The following RAD51B variants were observed in gnomAD, a reference collection of about 807,000 sequenced individuals.
The protein encoded by RAD51B is RAD51 paralog B, also known as DNA repair protein RAD51 homolog 2.
Under a neutral mutation model 42.2 loss-of-function variants are expected in RAD51B, and 38 were observed. That is an observed-to-expected ratio of 0.90 (90% confidence interval 0.70 to 1.18). The LOEUF (loss-of-function observed/expected upper bound fraction) is 1.18, where lower values mean the gene tolerates loss of function less well. Ranked by LOEUF, RAD51B falls within the 50% of genes most tolerant of loss-of-function variation. The pLI is 0.00. For missense variants in RAD51B, 373 were observed against 400.7 expected, an observed-to-expected ratio of 0.93 and a Z score of 0.59; for synonymous variants, 154 against 145.2, an observed-to-expected ratio of 1.06 and a Z score of -0.43.
chr14:68,606,957 T>C (rs1431719748), intron 10 of RAD51B, among the ~76,000 whole-genome samples: 1 of 152,186 alleles, frequency 6.6e-6, no homozygotes, highest in Non-Finnish European at 1.5e-5. Context: ...TGTAGAGGCA[T>C]GTTGAAATTA....
intron 7 of RAD51B, among the ~76,000 whole-genome samples, chr14:68,132,922 A>G (rs2077925870): frequency 6.6e-6 from 1 of 152,242 alleles, no homozygotes; most frequent in African/African-American, 2.4e-5. Context: ...ATTCTGAACA[A>G]ATCAACCAAG....
intron 10 of RAD51B, among the ~76,000 whole-genome samples, chr14:68,494,144 G>A (rs185285828): frequency 6.6e-6 from 1 of 152,250 alleles, no homozygotes; most frequent in Non-Finnish European, 1.5e-5. Flanking sequence ...TCTGGGCATG[G>A]TGGCACATGC....
intron 10 of RAD51B, chr14:68,594,473 T>C: frequency 7.3e-7 from 1 of 1,364,868 alleles, no homozygotes; most frequent in Non-Finnish European, 9.7e-7. Context: ...CTTTTTTTTC[T>C]CTCTCTCTTA....
At chr14:67,887,352 C>A in intron 7 of RAD51B, 148 bp downstream of exon 7, 1 of 554,862 alleles carries the variant, frequency 1.8e-6, no homozygotes, top group East Asian at 3.1e-5. Flanking sequence ...ATTGCTATAG[C>A]AAACATCGCC....
At chr14:67,907,810 T>G (rs1210356874) in intron 7 of RAD51B, among the ~76,000 whole-genome samples, 1 of 151,354 alleles carries the variant, frequency 6.6e-6, no homozygotes, top group Non-Finnish European at 1.5e-5. Flanking sequence ...GTGGTCATCT[T>G]TAGAAAATAC....
At chr14:68,567,213 C>T (rs1354092459) in intron 10 of RAD51B, among the ~76,000 whole-genome samples, 1 of 152,044 alleles carries the variant, frequency 6.6e-6, no homozygotes, top group African/African-American at 2.4e-5. Flanking sequence ...GCAGGAGAAT[C>T]GCTTGAACTT....
intron 7 of RAD51B, among the ~76,000 whole-genome samples, chr14:68,086,111 A>C (rs866702322): frequency 6.6e-6 from 1 of 152,170 alleles, no homozygotes; most frequent in Non-Finnish European, 1.5e-5. Context: ...GTGGGCTTGG[A>C]GAATGAGCGC....
chr14:68,668,398 A>G (rs913845276), intron 11 of RAD51B, among the ~76,000 whole-genome samples: 11 of 152,186 alleles, frequency 7.2e-5, no homozygotes, highest in African/African-American at 2.7e-4. Flanking sequence ...TGCTCATCGA[A>G]AACCACGCAT....
intron 10 of RAD51B, among the ~76,000 whole-genome samples, chr14:68,602,502 A>ATAGCTAGC (rs139265723): frequency 0.027 from 3,713 of 137,954 alleles, 53 homozygotes; most frequent in Non-Finnish European, 0.037. Flanking sequence ...GGATGGATGG[A>ATAGCTAGC]TAGCTAGATA....
chr14:68,639,558 A>G (rs888705726), intron 10 of RAD51B, among the ~76,000 whole-genome samples: 3 of 152,166 alleles, frequency 2.0e-5, no homozygotes, highest in Admixed American at 6.5e-5. Flanking sequence ...CAGCAATAGG[A>G]ATGAAAAGGG....
At chr14:68,033,168 C>A (rs2076073260) in intron 7 of RAD51B, among the ~76,000 whole-genome samples, 1 of 152,016 alleles carries the variant, frequency 6.6e-6, no homozygotes, top group South Asian at 2.1e-4. Context: ...ATAGTAGACA[C>A]CCATTAAAAT....
chr14:68,659,175 TC>T (rs1227991817), intron 11 of RAD51B, among the ~76,000 whole-genome samples: 2 of 152,200 alleles, frequency 1.3e-5, no homozygotes, highest in Non-Finnish European at 2.9e-5. Context: ...AGCCTTTTCC[TC>T]CAGGCCAGCC....
intron 10 of RAD51B, among the ~76,000 whole-genome samples, chr14:68,584,169 G>A (rs1019807634): frequency 2.0e-5 from 3 of 152,126 alleles, no homozygotes; most frequent in Non-Finnish European, 4.4e-5. Context: ...TGAAGAGCTT[G>A]TTTTCCTCCT....
rs1407526344 is a variant in RAD51B at position 68,453,602 on chromosome 14, G to T, written c.958-14570G>T. 7.2e-5 allele frequency among the ~76,000 whole-genome samples: 11 copies of T among 152,152 alleles called. 1 individual carries two copies. Among genetic ancestry groups the T allele is most frequent in the Admixed American group, 5.9e-4 (9 of 15,284 alleles). ...AGAAAGACTTGGGACTCTAGACAAA[G>T]CATAGGACAAAAATGGGCATTTTAT... On this transcript the variant is annotated intron_variant, in intron 9 of 10. Transcript: ENST00000471583.
At chr14:68,402,057 A>G (rs1425586786) in intron 8 of RAD51B, among the ~76,000 whole-genome samples, 1 of 152,202 alleles carries the variant, frequency 6.6e-6, no homozygotes, top group Non-Finnish European at 1.5e-5. Flanking sequence ...TGCACCCTAA[A>G]TACAGCTGGT....
At chr14:67,921,544 A>G (rs1038294184) in intron 7 of RAD51B, among the ~76,000 whole-genome samples, 1 of 147,460 alleles carries the variant, frequency 6.8e-6, no homozygotes, top group Non-Finnish European at 1.5e-5. Context: ...CAAATTTCCT[A>G]TGTGCATGTA....
chr14:67,950,754 G>A (rs969634155), intron 7 of RAD51B, among the ~76,000 whole-genome samples: 1 of 152,132 alleles, frequency 6.6e-6, no homozygotes, highest in Non-Finnish European at 1.5e-5. Flanking sequence ...AGAGATGTGT[G>A]ACTGTTCCTC....
chr14:68,559,587 C>T (rs1338618298), intron 10 of RAD51B, among the ~76,000 whole-genome samples: 1 of 152,008 alleles, frequency 6.6e-6, no homozygotes, highest in Non-Finnish European at 1.5e-5. Flanking sequence ...ACCATGTTGG[C>T]CAGGCTGGTC....
intron 11 of RAD51B, among the ~76,000 whole-genome samples, chr14:68,678,885 A>G (rs990805113): frequency 6.6e-6 from 1 of 151,918 alleles, no homozygotes; most frequent in Non-Finnish European, 1.5e-5. Flanking sequence ...CGAAATTTTA[A>G]TTCTTCCCCT....
Sources: allele counts gnomAD v4.1 joint callset (sites outside exome capture counted in the v4.1 genomes callset), GRCh38; gene constraint gnomAD v4.1.1; transcripts MANE v1.5; gene names NCBI Gene and HGNC (gene_info 2026-07-23, HGNC 2026-07-21).